Variants in IL7 observed in about 807,000 individuals in gnomAD.
IL7 encodes the protein interleukin 7, also known as interleukin-7.
IL7 carries 3 observed loss-of-function variants against 21.6 expected under a neutral mutation model. The ratio of observed to expected loss-of-function variants is 0.14; its 90% CI spans 0.06 to 0.36. The LOEUF (loss-of-function observed/expected upper bound fraction) is 0.36. IL7 is among the 10% of genes least tolerant of loss of function. The probability of loss-of-function intolerance (pLI) is 1.00; values close to 1 mark genes in which losing one functional copy is unlikely to be tolerated. For synonymous variants in IL7, 62 were observed against 68.1 expected (o/e 0.91, Z 0.44); for missense variants, 175 against 200.2 (o/e 0.87, Z 0.76).
chr8:78,784,842 T>C (rs1385299645), intron 2 of IL7, among the ~76,000 whole-genome samples: 3 of 152,156 alleles, frequency 2.0e-5, no homozygotes, highest in Admixed American at 6.5e-5. Flanking sequence ...TCTTGGTTGG[T>C]TGGATTTTAT....
At chr8:78,738,101 A>G (rs1329843041) in intron 4 of IL7, among the ~76,000 whole-genome samples, 1 of 152,156 alleles carries the variant, frequency 6.6e-6, no homozygotes, top group African/African-American at 2.4e-5. Flanking sequence ...TTAAGCCTAT[A>G]AAGATATTTG....
intron 4 of IL7, among the ~76,000 whole-genome samples, chr8:78,679,636 G>A (rs1305614641): frequency 6.6e-6 from 1 of 152,134 alleles, no homozygotes; most frequent in Non-Finnish European, 1.5e-5. Flanking sequence ...ATTCAGCATA[G>A]TTGAAAAGCA....
intron 2 of IL7, among the ~76,000 whole-genome samples, chr8:78,742,567 A>T (rs1274364030): frequency 6.6e-6 from 1 of 152,168 alleles, no homozygotes; most frequent in African/African-American, 2.4e-5. Context: ...AAAGTAACTT[A>T]TAAACTATAA....
chr8:78,740,228 C>T, intron 2 of IL7, 146 bp from the exon 3 acceptor site: 1 of 379,156 alleles, frequency 2.6e-6, no homozygotes, highest in Non-Finnish European at 4.4e-6. Flanking sequence ...GCTGACTAAG[C>T]ATGAGGAATC....
chr8:78,707,845 CT>C (rs1304058241), intron 3 of IL7, among the ~76,000 whole-genome samples: 24 of 84,328 alleles, frequency 2.8e-4, no homozygotes, highest in Non-Finnish European at 5.1e-4. Flanking sequence ...GAGTTCCTTC[CT>C]TTTTTTTTCT....
chr8:78,750,397 C>T (rs1409852503), intron 2 of IL7, among the ~76,000 whole-genome samples: 1 of 151,312 alleles, frequency 6.6e-6, no homozygotes, highest in Non-Finnish European at 1.5e-5. Context: ...ACATTATAAT[C>T]AGCTATGAAA....
intron 2 of IL7, among the ~76,000 whole-genome samples, chr8:78,773,304 AC>A (rs1229409748): frequency 3.3e-5 from 5 of 152,110 alleles, no homozygotes; most frequent in African/African-American, 1.2e-4. Flanking sequence ...CCACACAGAC[AC>A]GGGGAGAATG....
chr8:78,749,089 A>G (rs1189916914), intron 2 of IL7, among the ~76,000 whole-genome samples: 1 of 152,142 alleles, frequency 6.6e-6, no homozygotes, highest in Non-Finnish European at 1.5e-5. Context: ...GACTTTCTGG[A>G]TGATCAATAG....
At chr8:78,757,694 T>G (rs919719991) in intron 2 of IL7, among the ~76,000 whole-genome samples, 1 of 152,110 alleles carries the variant, frequency 6.6e-6, no homozygotes, top group Non-Finnish European at 1.5e-5. Flanking sequence ...TTGTCCGATA[T>G]AAGTATAGCT....
intron 3 of IL7, among the ~76,000 whole-genome samples, chr8:78,691,192 G>A (rs1348098032): frequency 6.6e-6 from 1 of 152,078 alleles, no homozygotes; most frequent in Non-Finnish European, 1.5e-5. Context: ...TGTGTATGAT[G>A]TTCCATCAAT....
downstream of IL7, among the ~76,000 whole-genome samples, chr8:78,716,922 A>G (rs566161607): frequency 2.0e-4 from 30 of 152,218 alleles, no homozygotes; most frequent in African/African-American, 7.2e-4. Flanking sequence ...ACCATGTAAG[A>G]CATGCTTGCT....
At chr8:78,773,306 G>T (rs987861105) in intron 2 of IL7, among the ~76,000 whole-genome samples, 5 of 152,064 alleles carry the variant, frequency 3.3e-5, no homozygotes, top group African/African-American at 1.2e-4. Context: ...ACACAGACAC[G>T]GGGAGAATGT....
At chr8:78,778,644 G>A (rs1813211949) in intron 2 of IL7, among the ~76,000 whole-genome samples, 2 of 152,048 alleles carry the variant, frequency 1.3e-5, no homozygotes, top group Admixed American at 1.3e-4. Flanking sequence ...GGTTGCTGTA[G>A]CCTTGTAGAA....
chr8:78,703,306 A>G (rs1415854916), intron 3 of IL7, among the ~76,000 whole-genome samples: 1 of 152,158 alleles, frequency 6.6e-6, no homozygotes, highest in Non-Finnish European at 1.5e-5. Flanking sequence ...TCCAGTGCTG[A>G]GTTCAGGTCC....
intron 3 of IL7, among the ~76,000 whole-genome samples, chr8:78,693,219 T>A (rs1586005321): frequency 6.6e-6 from 1 of 152,190 alleles, no homozygotes; most frequent in African/African-American, 2.4e-5. Context: ...TATAGCAGCA[T>A]GATTTATAGT....
intron 2 of IL7, among the ~76,000 whole-genome samples, chr8:78,750,007 C>T (rs1410290320): frequency 6.6e-6 from 1 of 152,026 alleles, no homozygotes; most frequent in Admixed American, 6.5e-5. Flanking sequence ...TGCACTCCAG[C>T]CTGGGTGACA....
chr8:78,743,036 C>T (rs1389108577), intron 2 of IL7, among the ~76,000 whole-genome samples: 1 of 152,172 alleles, frequency 6.6e-6, no homozygotes, highest in East Asian at 1.9e-4. Context: ...CAGCTCCATC[C>T]ATGTCCCTGC....
chr8:78,735,258 A>ACAG (rs1352675886), intron 5 of IL7, among the ~76,000 whole-genome samples: 1 of 87,470 alleles, frequency 1.1e-5, no homozygotes, highest in Non-Finnish European at 2.0e-5. Context: ...TCCTGGGAAA[A>ACAG]TAGTTATCTT....
intron 3 of IL7, among the ~76,000 whole-genome samples, chr8:78,687,494 T>G (rs1810028653): frequency 7.0e-6 from 1 of 143,152 alleles, no homozygotes; most frequent in Admixed American, 7.1e-5. Context: ...TTATATATGT[T>G]TATATAATAA....
Sources: gnomAD v4.1 joint callset for allele counts (sites outside exome capture counted in the v4.1 genomes callset) on GRCh38, gnomAD v4.1.1 for gene constraint, MANE v1.5 for transcripts, NCBI Gene and HGNC (gene_info 2026-07-23, HGNC 2026-07-21) for gene names.